Variants in COL5A2 observed in about 807,000 individuals in gnomAD.
COL5A2 encodes the protein collagen type V alpha 2 chain, also known as collagen alpha-2(V) chain.
Under a neutral mutation model 208.2 loss-of-function variants are expected in COL5A2, and 23 were observed. That is an observed-to-expected ratio of 0.11 (90% CI 0.08 to 0.16). The LOEUF (loss-of-function observed/expected upper bound fraction) is 0.16. Among genes scored for constraint, COL5A2 ranks in the 10% least tolerant of loss-of-function variants. The pLI is 1.00. For synonymous variants in COL5A2, 625 were observed against 628.5 expected (o/e 0.99, Z 0.08); for missense variants, 1,590 against 1,956.4 (o/e 0.81, Z 3.53).
chr2:189,052,661 C>A, intron 40 of COL5A2, 88 bp downstream of exon 40: 11 of 1,256,920 alleles, frequency 8.8e-6, no homozygotes, highest in Non-Finnish European at 1.3e-5. Flanking sequence ...ATTTCAGTCT[C>A]AGATGAAAAT....
intron 29 of COL5A2, among the ~76,000 whole-genome samples, chr2:189,062,277 G>C (rs916883041): frequency 6.6e-6 from 1 of 151,228 alleles, no homozygotes; most frequent in Non-Finnish European, 1.5e-5. Context: ...TCCGCCTCCC[G>C]GGTTCAAGTG....
the COL5A2 span, among the ~76,000 whole-genome samples, chr2:189,353,586 CTGTT>C: frequency 6.6e-6 from 1 of 152,078 alleles, no homozygotes; most frequent in Non-Finnish European, 1.5e-5. Context: ...ATTTGGCTTT[CTGTT>C]TGTCTGTTAT....
the COL5A2 span, among the ~76,000 whole-genome samples, chr2:189,345,965 A>G: frequency 2.6e-5 from 4 of 152,212 alleles, 1 homozygote; most frequent in South Asian, 8.3e-4. Flanking sequence ...TATTAATTAT[A>G]AAGAAGTAAT....
intron 1 of COL5A2, among the ~76,000 whole-genome samples, chr2:189,153,476 A>T (rs1688185381): frequency 6.6e-6 from 1 of 152,200 alleles, no homozygotes; most frequent in Admixed American, 6.5e-5. Context: ...TGCATGCTTC[A>T]CTAACCCATA....
intron 23 of COL5A2, among the ~76,000 whole-genome samples, chr2:189,065,265 A>G (rs1686123123): frequency 6.6e-6 from 1 of 152,184 alleles, no homozygotes; most frequent in Non-Finnish European, 1.5e-5. Context: ...TAATTCCTCA[A>G]ATCAAGAAAT....
the COL5A2 span, among the ~76,000 whole-genome samples, chr2:189,264,061 TA>T: frequency 2.6e-4 from 39 of 152,096 alleles, no homozygotes; most frequent in African/African-American, 9.4e-4. Context: ...TGAAAGTCAA[TA>T]ACAAATATGT....
intron 1 of COL5A2, among the ~76,000 whole-genome samples, chr2:189,145,721 G>T (rs2105779592): frequency 6.6e-6 from 1 of 152,200 alleles, no homozygotes; most frequent in Admixed American, 6.6e-5. Flanking sequence ...GCTACTTAGA[G>T]TATAGGGGAA....
chr2:189,199,478 A>G (rs888629414), intron 1 of COL5A2, among the ~76,000 whole-genome samples: 5 of 152,206 alleles, frequency 3.3e-5, no homozygotes, highest in Admixed American at 6.5e-5. Flanking sequence ...AAAGCTCTTA[A>G]CTAGGCACAA....
At chr2:189,422,301 A>G in the COL5A2 span, among the ~76,000 whole-genome samples, 2 of 152,304 alleles carry the variant, frequency 1.3e-5, no homozygotes, top group South Asian at 2.1e-4. Context: ...TAACAAAACA[A>G]TAAGTGACCA....
chr2:189,401,390 T>A, the COL5A2 span, among the ~76,000 whole-genome samples: 1,768 of 152,356 alleles, frequency 0.012, 37 homozygotes, highest in East Asian at 0.11. Context: ...GCAAATAACA[T>A]GATCTCATTC....
the COL5A2 span, among the ~76,000 whole-genome samples, chr2:189,432,208 T>C: frequency 7.3e-5 from 11 of 151,244 alleles, no homozygotes; most frequent in Non-Finnish European, 1.5e-5. Flanking sequence ...ACTAAACCAG[T>C]ACCAGCCACT....
chr2:189,208,593 A>C (rs184124548), intron 1 of COL5A2, among the ~76,000 whole-genome samples: 24 of 152,350 alleles, frequency 1.6e-4, no homozygotes, highest in African/African-American at 5.5e-4. Flanking sequence ...GGCAGTGATA[A>C]GAATAGAAAC....
chr2:189,160,382 A>G (rs1290217610), intron 1 of COL5A2, among the ~76,000 whole-genome samples: 3 of 152,172 alleles, frequency 2.0e-5, no homozygotes, highest in African/African-American at 4.8e-5. Context: ...GTCTCTAAGA[A>G]AGCCTTTCTA....
chr2:189,072,635 A>G (rs1308538018), intron 17 of COL5A2, among the ~76,000 whole-genome samples: 1 of 151,864 alleles, frequency 6.6e-6, no homozygotes, highest in Non-Finnish European at 1.5e-5. Context: ...AGCTGGGTGT[A>G]GTGGCTGGCG....
intron 1 of COL5A2, among the ~76,000 whole-genome samples, chr2:189,210,863 G>GA (rs1689204075): frequency 6.6e-6 from 1 of 152,154 alleles, no homozygotes; most frequent in African/African-American, 2.4e-5. Context: ...GGGTGGGACC[G>GA]AAGGTTTGCT....
intron 1 of COL5A2, among the ~76,000 whole-genome samples, chr2:189,201,990 T>C (rs1240530269): frequency 2.6e-5 from 4 of 151,222 alleles, no homozygotes; most frequent in African/African-American, 7.3e-5. Flanking sequence ...AAATTATATA[T>C]ATTATATATG....
the COL5A2 span, among the ~76,000 whole-genome samples, chr2:189,354,755 A>G: frequency 3.9e-5 from 6 of 152,060 alleles, no homozygotes; most frequent in African/African-American, 1.4e-4. Flanking sequence ...GATTTTTTGA[A>G]GGATTTTTTG....
chr2:189,339,826 T>C, the COL5A2 span, among the ~76,000 whole-genome samples: 4 of 152,114 alleles, frequency 2.6e-5, no homozygotes, highest in Non-Finnish European at 1.5e-5. Context: ...TTGGAACTAT[T>C]TGGGAGGCCT....
At chr2:189,248,732 C>G in the COL5A2 span, among the ~76,000 whole-genome samples, 1 of 152,118 alleles carries the variant, frequency 6.6e-6, no homozygotes, top group Non-Finnish European at 1.5e-5. Context: ...AACCCTACTT[C>G]AGAAAATAGA....
Sources: allele counts gnomAD v4.1 joint callset (sites outside exome capture counted in the v4.1 genomes callset), GRCh38; gene constraint gnomAD v4.1.1; transcripts MANE v1.5; gene names NCBI Gene and HGNC (gene_info 2026-07-23, HGNC 2026-07-21).